The following TULP4 variants were observed in gnomAD, a reference collection of about 807,000 sequenced individuals.
TULP4 encodes the protein tubby-related protein 4.
Under a neutral mutation model 129.0 loss-of-function variants are expected in TULP4, and 16 were observed. The ratio of observed to expected loss-of-function variants is 0.12; its 90% CI spans 0.08 to 0.19. The LOEUF (loss-of-function observed/expected upper bound fraction) is 0.19, where lower values mean the gene tolerates loss of function less well. Ranked by LOEUF, TULP4 falls within the 10% of genes least tolerant of loss-of-function variation. The pLI is 1.00. For synonymous variants in TULP4, 998 were observed against 854.0 expected (o/e 1.17, Z -2.94); for missense variants, 1,842 against 2,059.1 (o/e 0.89, Z 2.04).
At chr6:158,420,668 G>C (rs1368579562) in intron 2 of TULP4, among the ~76,000 whole-genome samples, 1 of 151,196 alleles carries the variant, frequency 6.6e-6, no homozygotes, top group East Asian at 1.9e-4. Flanking sequence ...TTTTTTAGTA[G>C]AGACGAGGTT....
intron 8 of TULP4, among the ~76,000 whole-genome samples, chr6:158,487,471 C>T (rs957259366): frequency 6.6e-6 from 1 of 152,066 alleles, no homozygotes; most frequent in Non-Finnish European, 1.5e-5. Flanking sequence ...AGCCTTCAAC[C>T]CAGAAGAAAT....
intron 12 of TULP4, among the ~76,000 whole-genome samples, chr6:158,501,336 G>A (rs1298935436): frequency 6.6e-6 from 1 of 152,154 alleles, no homozygotes. Flanking sequence ...GCATAAAAGG[G>A]TGGGTATTTT....
At chr6:158,278,939 TTG>T (rs1436122356), upstream of TULP4, among the ~76,000 whole-genome samples, 83 of 97,572 alleles carry the variant, frequency 8.5e-4, no homozygotes, top group East Asian at 0.019. Flanking sequence ...TTGTTTTTTT[TTG>T]TTTTTTTTTT....
intron 1 of TULP4, among the ~76,000 whole-genome samples, chr6:158,295,496 CTTG>C (rs1223365825): frequency 1.3e-5 from 2 of 151,850 alleles, no homozygotes; most frequent in African/African-American, 2.4e-5. Context: ...ACAAAACTTA[CTTG>C]TTGTGAGATA....
chr6:158,388,319 T>TTTTG (rs1327984999), intron 1 of TULP4, among the ~76,000 whole-genome samples: 1 of 111,746 alleles, frequency 8.9e-6, no homozygotes, highest in Non-Finnish European at 2.0e-5. Flanking sequence ...TCTGCTCGTT[T>TTTTG]TTCTTTTTTT....
chr6:158,508,783 C>G lies in TULP4; in HGVS notation c.*2089C>G, dbSNP rs1411017724. On this transcript the variant is annotated 3_prime_UTR_variant, in exon 14 of 14. Coordinates refer to ENST00000367097, the MANE Select transcript of TULP4 (RefSeq NM_020245.5). The stretch of plus-strand genomic sequence containing the variant: ...TGTTGTTACGTTTTGGTGAGTTATA[C>G]CCATTTTATTTATTTAGAAAAATAG... 1 of 151,584 alleles carries G rather than the reference C, an allele frequency of 6.6e-6. No homozygotes were observed. The allele number at this position is 151,584 out of a possible 1,614,324, so 9.4% of individuals were successfully genotyped here. A position where few individuals can be genotyped will look rare whatever the true frequency, so the allele number is the denominator to read the frequency against.
intron 1 of TULP4, among the ~76,000 whole-genome samples, chr6:158,245,394 C>CA (rs1440981057): frequency 1.3e-5 from 2 of 151,288 alleles, no homozygotes; most frequent in African/African-American, 4.9e-5. Context: ...TCTTGCTGAT[C>CA]TTATTATTTG....
chr6:158,242,379 GT>G, intron 1 of TULP4: 1 of 1,498,764 alleles, frequency 6.7e-7, no homozygotes, highest in Non-Finnish European at 9.3e-7. Context: ...TGAAGGGTTT[GT>G]TTTCCTCTCC....
chr6:158,373,875 G>A (rs891576244), intron 1 of TULP4, among the ~76,000 whole-genome samples: 1 of 152,160 alleles, frequency 6.6e-6, no homozygotes, highest in African/African-American at 2.4e-5. Context: ...TGAAAACTCG[G>A]TAGGTTTCAT....
rs1390523888 is a variant in TULP4 at position 158,510,487 on chromosome 6, C to T, written c.*3793C>T. 2.0e-5 allele frequency: 3 copies of T among 152,216 alleles called. No homozygotes were observed. The highest frequency in any genetic ancestry group is 4.8e-5 in the African/African-American group (2 of 41,448). The allele number at this position is 152,216 out of a possible 1,614,324, so 9.4% of individuals were successfully genotyped here. ...TCCCTTACAGCTCTCAGCCTAAGAG[C>T]GCAGCACTGAACAGCCTCATCATTC... On this transcript the variant is annotated 3_prime_UTR_variant, in exon 14 of 14. Coordinates refer to ENST00000367097, the MANE Select transcript of TULP4 (RefSeq NM_020245.5).
intron 8 of TULP4, among the ~76,000 whole-genome samples, chr6:158,488,595 CTCA>C (rs762861579): frequency 9.2e-5 from 14 of 152,196 alleles, no homozygotes; most frequent in Non-Finnish European, 2.1e-4. Flanking sequence ...GATTAAGAAA[CTCA>C]TCCTTTAAAA....
At chr6:158,361,985 AT>A (rs1780800908) in intron 1 of TULP4, among the ~76,000 whole-genome samples, 1 of 152,206 alleles carries the variant, frequency 6.6e-6, no homozygotes. Context: ...TGCCCCAAGA[AT>A]GTTCAAACTC....
In TULP4 at chr6:158,502,828, T is replaced by G; in HGVS notation, c.3165T>G (p.His1055Gln). 6 of 1,612,922 alleles carry G rather than the reference T, an allele frequency of 3.7e-6. No individual in the cohort carries two copies. The highest frequency in any genetic ancestry group is 5.1e-6 in the Non-Finnish European group (6 of 1,179,894). Residue 1055 changes from histidine to glutamine, a missense_variant, in exon 13 of 14, where the codon CAT becomes CAG. By Grantham distance (24) the His-to-Gln change is conservative. Transcript: ENST00000367097. ...CACAGCCCGGAGCCTCCCTGGCCCATACCGCCAGCGCCTCCCCGTTGGCCT... is the reference window on the plus strand; with the variant it reads ...CACAGCCCGGAGCCTCCCTGGCCCAGACCGCCAGCGCCTCCCCGTTGGCCT... ...PSSQPGASLA[H>Q]TASASPLASQ...
rs115956457 is a variant in TULP4, at chr6:158,431,525, A to T, written c.543+1628A>T. 1.8e-3 allele frequency among the ~76,000 whole-genome samples: 269 copies of T among 152,326 alleles called. 2 individuals carry two copies. Among genetic ancestry groups the T allele is most frequent in the African/African-American group, 6.0e-3 (251 of 41,574 alleles). On this transcript the variant is annotated intron_variant, in intron 3 of 13. Coordinates refer to ENST00000367097, the MANE Select transcript of TULP4 (RefSeq NM_020245.5). ...GGGGATACAGCAGTGAGAGAGACGC[A>T]GCTCTTGCCTTTGAGGTACAATTGG...
chr6:158,473,628 C>T (rs887666007), intron 6 of TULP4, among the ~76,000 whole-genome samples: 5 of 152,202 alleles, frequency 3.3e-5, no homozygotes, highest in Admixed American at 1.3e-4. Flanking sequence ...AAGTGATTCT[C>T]CTGCCTCAGC....
chr6:158,485,323 T>C (rs1479872702), intron 8 of TULP4, among the ~76,000 whole-genome samples: 5 of 152,202 alleles, frequency 3.3e-5, no homozygotes, highest in Non-Finnish European at 7.3e-5. Flanking sequence ...TTAGAAAATA[T>C]TTAGACTATT....
At chr6:158,235,164 C>T (rs987752583) in intron 1 of TULP4, among the ~76,000 whole-genome samples, 4 of 150,072 alleles carry the variant, frequency 2.7e-5, no homozygotes, top group Non-Finnish European at 3.0e-5. Flanking sequence ...GGTGACACAG[C>T]GAAACTCTGT....
chr6:158,364,145 A>G (rs1780865943), intron 1 of TULP4, among the ~76,000 whole-genome samples: 1 of 152,210 alleles, frequency 6.6e-6, no homozygotes, highest in South Asian at 2.1e-4. Flanking sequence ...AAGTTTTTAA[A>G]TTTAAAAAAA....
At chr6:158,446,949 A>C (rs889389451) in intron 3 of TULP4, among the ~76,000 whole-genome samples, 1 of 152,128 alleles carries the variant, frequency 6.6e-6, no homozygotes, top group African/African-American at 2.4e-5. Flanking sequence ...CTTACCTCCA[A>C]ATACCATCAA....
Sources: allele counts gnomAD v4.1 joint callset (sites outside exome capture counted in the v4.1 genomes callset), GRCh38; gene constraint gnomAD v4.1.1; transcripts MANE v1.5; gene names NCBI Gene and HGNC (gene_info 2026-07-23, HGNC 2026-07-21).